Variants in LPGAT1 observed in about 807,000 individuals in gnomAD.
The protein encoded by LPGAT1 is lysophosphatidylglycerol acyltransferase 1.
LPGAT1 carries 11 observed loss-of-function variants against 47.5 expected under a neutral mutation model. The observed-to-expected ratio is 0.23, with a 90% CI of 0.15 to 0.38. The LOEUF (loss-of-function observed/expected upper bound fraction) is 0.38, where lower values mean the gene tolerates loss of function less well. Ranked by LOEUF, LPGAT1 falls within the 10% of genes least tolerant of loss-of-function variation. The probability of loss-of-function intolerance (pLI) is 1.00; values close to 1 mark genes in which losing one functional copy is unlikely to be tolerated. For synonymous variants in LPGAT1, 138 were observed against 144.2 expected, an observed-to-expected ratio of 0.96 and a Z score of 0.31; for missense variants, 293 against 439.0, an observed-to-expected ratio of 0.67 and a Z score of 2.97.
chr1:211,793,598 G>C (rs1223270335), intron 2 of LPGAT1, among the ~76,000 whole-genome samples: 1 of 151,684 alleles, frequency 6.6e-6, no homozygotes, highest in African/African-American at 2.4e-5. Flanking sequence ...ACGCCCAGCT[G>C]ATTTTTGTAT....
At chr1:211,779,298 G>A (rs1457068299) in intron 5 of LPGAT1, among the ~76,000 whole-genome samples, 1 of 152,106 alleles carries the variant, frequency 6.6e-6, no homozygotes, top group Non-Finnish European at 1.5e-5. Flanking sequence ...TCAAGTATCT[G>A]ATACAATTAT....
In LPGAT1 at chr1:211,756,707, T is replaced by C. The variant is rs143680129; in HGVS notation, c.855-5640A>G. ...CCTATAGGTTAGCATTCGTAGCCCT[T>C]TTAACACCTTTACTCCTAAGTAATT... On this transcript the variant is annotated intron_variant, in intron 6 of 7. Coordinates refer to ENST00000366997, the MANE Select transcript of LPGAT1 (RefSeq NM_014873.3). Among the ~76,000 whole-genome samples the C allele has an allele frequency of 1.1e-4, 16 of 152,314 alleles. No individual in the cohort carries two copies. The East Asian group carries it at 2.9e-3, about 28-fold the overall frequency.
intron 2 of LPGAT1, among the ~76,000 whole-genome samples, chr1:211,815,773 C>CTTTT (rs938719098): frequency 7.9e-4 from 80 of 101,838 alleles, no homozygotes; most frequent in Non-Finnish European, 9.6e-4. Flanking sequence ...AAATGCTTTT[C>CTTTT]TTTTTTTTTT....
intron 6 of LPGAT1, among the ~76,000 whole-genome samples, chr1:211,756,318 TAACAACAG>T (rs1657447973): frequency 6.6e-6 from 1 of 152,194 alleles, no homozygotes; most frequent in African/African-American, 2.4e-5. Context: ...CTGAATAAGC[TAACAACAG>T]AAAGATGAAT....
intron 3 of LPGAT1, among the ~76,000 whole-genome samples, chr1:211,792,711 CTTTTTTTTT>C: frequency 9.6e-6 from 1 of 104,590 alleles, no homozygotes; most frequent in South Asian, 3.1e-4. Flanking sequence ...AATTGATTCC[CTTTTTTTTT>C]TTTTTTTTTT....
intron 6 of LPGAT1, among the ~76,000 whole-genome samples, chr1:211,778,037 A>G (rs1658476827): frequency 1.3e-5 from 2 of 152,186 alleles, no homozygotes; most frequent in South Asian, 2.1e-4. Context: ...GTTACCCTAT[A>G]TAGTCTAAAA....
chr1:211,795,684 A>C (rs1659325168), intron 2 of LPGAT1, among the ~76,000 whole-genome samples: 1 of 152,108 alleles, frequency 6.6e-6, no homozygotes, highest in African/African-American at 2.4e-5. Flanking sequence ...GTTTTTAAAA[A>C]GGACAGAGAA....
intron 2 of LPGAT1, among the ~76,000 whole-genome samples, chr1:211,800,304 A>G (rs1659523584): frequency 6.6e-6 from 1 of 151,358 alleles, no homozygotes; most frequent in Non-Finnish European, 1.5e-5. Flanking sequence ...TACACGTGTG[A>G]GCCACCATGC....
chr1:211,781,463 G>A (rs886324122), intron 5 of LPGAT1, among the ~76,000 whole-genome samples: 2 of 152,134 alleles, frequency 1.3e-5, no homozygotes, highest in Non-Finnish European at 2.9e-5. Context: ...CTCCAGTAGT[G>A]AAACTATTCT....
Position 211,830,424 on chromosome 1 carries a change from T to C in LPGAT1, c.-28+149A>G. ...GCGGATGCCCCGCGCCCCCGCCTCCTCCCCGGGGCCTACCGCGCCCTCGTC... is the reference window on the plus strand; with the variant it reads ...GCGGATGCCCCGCGCCCCCGCCTCCCCCCCGGGGCCTACCGCGCCCTCGTC... On this transcript the variant is annotated intron_variant, in intron 1 of 7. Transcript: ENST00000366997. The surrounding 1 kb of genome is among the most constrained non-coding windows in gnomAD (Gnocchi z 5.9). 14 of 1,165,248 alleles carry C rather than the reference T, an allele frequency of 1.2e-5. No individual in the cohort carries two copies. The highest frequency in any genetic ancestry group is 1.5e-5 in the Non-Finnish European group (14 of 943,032). The allele number at this position is 1,165,248 out of a possible 1,614,324, so 72.2% of individuals were successfully genotyped here. A position where few individuals can be genotyped will look rare whatever the true frequency, so the allele number is the denominator to read the frequency against.
intron 2 of LPGAT1, among the ~76,000 whole-genome samples, chr1:211,827,233 CAG>C (rs890283169): frequency 6.6e-6 from 1 of 152,170 alleles, no homozygotes; most frequent in Non-Finnish European, 1.5e-5. Context: ...GCAGATGCTT[CAG>C]AGAGACTAAA....
intron 2 of LPGAT1, among the ~76,000 whole-genome samples, chr1:211,822,777 CAAA>C (rs11345690): frequency 7.8e-5 from 11 of 141,366 alleles, no homozygotes; most frequent in Admixed American, 2.8e-4. Context: ...GACTTCATCT[CAAA>C]AAAAAAAAAA....
rs1660636962 is a variant in LPGAT1, at chr1:211,829,177, T to A, written c.120A>T (p.Val40=). Residue 40 remains valine (V), a synonymous_variant, in exon 2 of 8, where the codon GTA becomes GTT. Coordinates refer to ENST00000366997, the MANE Select transcript of LPGAT1 (RefSeq NM_014873.3). ...GCACTCGAAGGGGCTGAAGTATAAT[T>A]ACATAGCAGATGTAGGATGGAATAG... is the stretch of plus-strand genomic sequence containing the variant. ...LVAIPSYICY[V]IILQPLRVLD... is the part of the protein sequence containing the mutation. The A allele has an allele frequency of 1.2e-6, 2 of 1,614,086 alleles. No individual in the cohort carries two copies. The highest frequency in any genetic ancestry group is 2.7e-5 in the African/African-American group (2 of 74,928).
At chr1:211,795,074 T>C (rs997601054) in intron 2 of LPGAT1, among the ~76,000 whole-genome samples, 4 of 152,140 alleles carry the variant, frequency 2.6e-5, no homozygotes, top group Non-Finnish European at 5.9e-5. Context: ...ATGAGTACAG[T>C]GTTTCAGTTT....
rs1460398749 is a variant in LPGAT1 at position 211,746,528 on chromosome 1, GTA to G, written c.*3369_*3370del. The G allele has an allele frequency of 6.6e-6, 1 of 152,090 alleles. No individual in the cohort carries two copies. The highest frequency in any genetic ancestry group is 1.5e-5 in the Non-Finnish European group (1 of 68,018). The allele number at this position is 152,090 out of a possible 1,614,324, so 9.4% of individuals were successfully genotyped here. ...CCTAGAAAAAAAATGTCTGATGAGA[GTA>G]AGAATTCAAACTCCTAAATAAAAGT... On this transcript the variant is annotated 3_prime_UTR_variant, in exon 8 of 8. Coordinates refer to ENST00000366997, the MANE Select transcript of LPGAT1 (RefSeq NM_014873.3).
chr1:211,801,201 A>G (rs1230918498), intron 2 of LPGAT1, among the ~76,000 whole-genome samples: 1 of 152,162 alleles, frequency 6.6e-6, no homozygotes, highest in East Asian at 1.9e-4. Context: ...TGCAAAAGTT[A>G]CCCTCCTGAT....
intron 6 of LPGAT1, among the ~76,000 whole-genome samples, chr1:211,777,124 C>T (rs1048933714): frequency 4.6e-5 from 7 of 152,226 alleles, no homozygotes; most frequent in African/African-American, 1.7e-4. Flanking sequence ...TCCCTACGCC[C>T]CTTGGTGTCC....
intron 6 of LPGAT1, among the ~76,000 whole-genome samples, chr1:211,768,994 AG>A (rs1163580942): frequency 1.3e-5 from 2 of 152,206 alleles, no homozygotes; most frequent in African/African-American, 4.8e-5. Context: ...AAGGAGTAGA[AG>A]GAAGAGGTCA....
At chr1:211,798,906 CA>C (rs944115604) in intron 2 of LPGAT1, among the ~76,000 whole-genome samples, 8 of 152,068 alleles carry the variant, frequency 5.3e-5, no homozygotes, top group Non-Finnish European at 1.2e-4. Context: ...TGAGGAAAAG[CA>C]GCCTTGCAAA....
Sources: gnomAD v4.1 joint callset for allele counts (sites outside exome capture counted in the v4.1 genomes callset) on GRCh38, gnomAD v4.1.1 for gene constraint, Gnocchi (gnomAD v3.1) non-coding constraint, MANE v1.5 for transcripts, NCBI Gene and HGNC (gene_info 2026-07-23, HGNC 2026-07-21) for gene names.